The following RALYL variants were observed in gnomAD, a reference collection of about 807,000 sequenced individuals.
RALYL encodes RALY RNA binding protein like.
A neutral mutation model predicts 35.1 loss-of-function variants in RALYL; 29 were observed. The ratio of observed to expected loss-of-function variants is 0.83; its 90% confidence interval spans 0.61 to 1.13. The LOEUF (loss-of-function observed/expected upper bound fraction) is 1.13. Ranked by LOEUF, RALYL falls within the 50% of genes most tolerant of loss-of-function variation. The pLI, the probability that RALYL is intolerant of heterozygous loss-of-function variation, is 0.00. For missense variants in RALYL, 359 were observed against 360.4 expected (o/e 1.00, Z 0.03); for synonymous variants, 120 against 127.6 (o/e 0.94, Z 0.40).
At chr8:84,534,475 C>T (rs992197133) in intron 2 of RALYL, among the ~76,000 whole-genome samples, 6 of 152,164 alleles carry the variant, frequency 3.9e-5, no homozygotes, top group African/African-American at 1.4e-4. Flanking sequence ...TCCCTTCTCC[C>T]TCTAAGCTAT....
chr8:84,760,188 C>T (rs1812357497), intron 2 of RALYL, among the ~76,000 whole-genome samples: 1 of 152,034 alleles, frequency 6.6e-6, no homozygotes, highest in Admixed American at 6.6e-5. Context: ...TTGTGAATGA[C>T]ACTGTAAATT....
intron 8 of RALYL, among the ~76,000 whole-genome samples, chr8:84,888,552 T>C (rs1843290556): frequency 6.6e-6 from 1 of 152,156 alleles, no homozygotes; most frequent in Non-Finnish European, 1.5e-5. Flanking sequence ...TATGGACTGA[T>C]CATGTTAAAT....
At chr8:84,253,176 GTTTTTT>G (rs764942491) in intron 1 of RALYL, among the ~76,000 whole-genome samples, 22 of 52,848 alleles carry the variant, frequency 4.2e-4, no homozygotes, top group African/African-American at 1.7e-3. Flanking sequence ...TAGTTCTGCA[GTTTTTT>G]TTTTTTTTTT....
At chr8:84,790,235 G>T (rs1292055161) in intron 3 of RALYL, among the ~76,000 whole-genome samples, 1 of 152,220 alleles carries the variant, frequency 6.6e-6, no homozygotes, top group African/African-American at 2.4e-5. Flanking sequence ...TGGGGTGGCA[G>T]CCATTAGAAC....
intron 1 of RALYL, among the ~76,000 whole-genome samples, chr8:84,390,550 T>C: frequency 6.6e-6 from 1 of 152,146 alleles, no homozygotes; most frequent in South Asian, 2.1e-4. Flanking sequence ...GAGATTCAAC[T>C]TCTTCCTGGT....
chr8:84,299,394 A>C (rs551882306), intron 1 of RALYL, among the ~76,000 whole-genome samples: 1 of 151,800 alleles, frequency 6.6e-6, no homozygotes, highest in Non-Finnish European at 1.5e-5. Flanking sequence ...AAATTTTTGC[A>C]TCTTTGTATA....
chr8:84,732,667 AT>A (rs902460960), intron 2 of RALYL, among the ~76,000 whole-genome samples: 2 of 98,690 alleles, frequency 2.0e-5, no homozygotes, highest in Non-Finnish European at 4.0e-5. Flanking sequence ...TTATTAAATA[AT>A]TATATATATA....
At chr8:84,305,960 C>G (rs1208061445) in intron 1 of RALYL, among the ~76,000 whole-genome samples, 1 of 152,054 alleles carries the variant, frequency 6.6e-6, no homozygotes, top group Non-Finnish European at 1.5e-5. Flanking sequence ...GTCAGGAGAT[C>G]AAGACCATCC....
At chr8:84,883,954 A>C (rs1450630159) in intron 7 of RALYL, among the ~76,000 whole-genome samples, 1 of 152,072 alleles carries the variant, frequency 6.6e-6, no homozygotes, top group Admixed American at 6.6e-5. Flanking sequence ...GCAACTCTGA[A>C]ATAGATGTTA....
intron 1 of RALYL, among the ~76,000 whole-genome samples, chr8:84,485,061 C>T (rs2054463715): frequency 6.6e-6 from 1 of 152,128 alleles, no homozygotes; most frequent in East Asian, 1.9e-4. Flanking sequence ...TACCTCTCTG[C>T]CGCCGCCTTC....
At chr8:84,816,950 AAAG>A (rs1827455585) in intron 4 of RALYL, among the ~76,000 whole-genome samples, 1 of 152,176 alleles carries the variant, frequency 6.6e-6, no homozygotes, top group Non-Finnish European at 1.5e-5. Flanking sequence ...AAAGAAATAA[AAAG>A]AATACATCAA....
chr8:84,695,067 G>A (rs1324915509), intron 2 of RALYL, among the ~76,000 whole-genome samples: 1 of 151,670 alleles, frequency 6.6e-6, no homozygotes, highest in African/African-American at 2.4e-5. Flanking sequence ...AGAAGAATTA[G>A]GATTAACCAG....
intron 1 of RALYL, among the ~76,000 whole-genome samples, chr8:84,514,999 T>A (rs913686881): frequency 2.0e-5 from 3 of 152,170 alleles, no homozygotes; most frequent in Admixed American, 1.3e-4. Flanking sequence ...ATGCAGTAGG[T>A]TAGAGAGTAT....
chr8:84,484,322 AG>A (rs767372974), intron 1 of RALYL, among the ~76,000 whole-genome samples: 1 of 152,256 alleles, frequency 6.6e-6, no homozygotes, highest in East Asian at 1.9e-4. Context: ...AGTTCTTGAA[AG>A]TAGAGTAAAT....
At chr8:84,362,407 C>T (rs965303359) in intron 1 of RALYL, among the ~76,000 whole-genome samples, 1 of 152,060 alleles carries the variant, frequency 6.6e-6, no homozygotes, top group Non-Finnish European at 1.5e-5. Context: ...TCTGATGTGT[C>T]CCTCTAGAGC....
intron 1 of RALYL, among the ~76,000 whole-genome samples, chr8:84,510,815 A>C (rs1402467510): frequency 6.6e-6 from 1 of 152,096 alleles, no homozygotes; most frequent in Non-Finnish European, 1.5e-5. Flanking sequence ...TCTCAAAAAA[A>C]AAAAACCATA....
chr8:84,810,130 A>C (rs1262313622), intron 4 of RALYL, among the ~76,000 whole-genome samples: 1 of 152,066 alleles, frequency 6.6e-6, no homozygotes, highest in East Asian at 1.9e-4. Flanking sequence ...AGGGCTATGA[A>C]CTTTCCTCTT....
At chr8:84,664,367 A>G (rs1030420325) in intron 2 of RALYL, among the ~76,000 whole-genome samples, 26 of 146,230 alleles carry the variant, frequency 1.8e-4, no homozygotes, top group Non-Finnish European at 2.8e-4. Flanking sequence ...AGTTCTGTGA[A>G]GAATATCAGT....
At chr8:84,425,415 C>A (rs535361750) in intron 1 of RALYL, among the ~76,000 whole-genome samples, 183 of 152,278 alleles carry the variant, frequency 1.2e-3, no homozygotes, top group African/African-American at 4.3e-3. Context: ...GGCTCGCGCA[C>A]GGTGCGCTCA....
Sources: allele counts gnomAD v4.1 joint callset (sites outside exome capture counted in the v4.1 genomes callset), GRCh38; gene constraint gnomAD v4.1.1; transcripts MANE v1.5; gene names NCBI Gene and HGNC (gene_info 2026-07-23, HGNC 2026-07-21).